Variants in DOCK10 observed in about 807,000 individuals in gnomAD.
The protein encoded by DOCK10 is dedicator of cytokinesis 10.
A neutral mutation model predicts 280.1 loss-of-function variants in DOCK10; 145 were observed. That is an observed-to-expected ratio of 0.52 (90% confidence interval 0.45 to 0.59). The LOEUF (loss-of-function observed/expected upper bound fraction) is 0.59, where lower values mean the gene tolerates loss of function less well. Ranked by LOEUF, DOCK10 falls within the 20% of genes least tolerant of loss-of-function variation. The pLI is 0.00. For missense variants in DOCK10, 2,368 were observed against 2,651.7 expected (o/e 0.89, Z 2.35); for synonymous variants, 915 against 942.2 (o/e 0.97, Z 0.53).
chr2:225,039,891 T>C (rs1690369883), intron 1 of DOCK10, among the ~76,000 whole-genome samples: 1 of 152,218 alleles, frequency 6.6e-6, no homozygotes. Flanking sequence ...AGCAGTAAGA[T>C]ACTTTTTCTC....
intron 18 of DOCK10, among the ~76,000 whole-genome samples, chr2:224,851,252 G>A (rs1247623006): frequency 6.6e-6 from 1 of 152,112 alleles, no homozygotes; most frequent in East Asian, 1.9e-4. Flanking sequence ...AGTGAAGCAA[G>A]GGACGCACAT....
chr2:224,999,303 T>A (rs1306951403), intron 1 of DOCK10, among the ~76,000 whole-genome samples: 1 of 152,056 alleles, frequency 6.6e-6, no homozygotes, highest in Admixed American at 6.6e-5. Context: ...CATTCCTGGC[T>A]TTAAAGATCC....
At chr2:224,978,217 G>A (rs1014645639) in intron 1 of DOCK10, among the ~76,000 whole-genome samples, 3 of 152,092 alleles carry the variant, frequency 2.0e-5, no homozygotes, top group Non-Finnish European at 2.9e-5. Context: ...AGTGGAACAC[G>A]AGGTCAGGAG....
chr2:224,908,184 A>ATGTGTGTG (rs71062966), intron 3 of DOCK10, among the ~76,000 whole-genome samples: 10,813 of 148,422 alleles, frequency 0.073, 415 homozygotes, highest in African/African-American at 0.1. Context: ...GTGTGTGTGT[A>ATGTGTGTG]TGTGTGTGTG....
At position 224,896,386 on chromosome 2, in the gene DOCK10, AAG is replaced by A. The variant is rs751519653; in HGVS notation, c.334-11_334-10del. 6.6e-7 allele frequency: 1 copy of A among 1,519,276 alleles called. No individual in the cohort carries two copies. 94.1% of individuals were successfully genotyped at this position (1,519,276 alleles called of 1,614,324 possible). ...CTATAAAATTTACAAGCCTGAAAGA[AAG>A]AAAAATGACAATTATTAATATAAAA... On this transcript the variant is annotated splice_polypyrimidine_tract_variant and intron_variant, in intron 3 of 55. Coordinates refer to ENST00000258390, the MANE Select transcript of DOCK10 (RefSeq NM_014689.3).
intron 1 of DOCK10, among the ~76,000 whole-genome samples, chr2:224,954,787 T>C (rs1703948365): frequency 6.6e-6 from 1 of 152,248 alleles, no homozygotes; most frequent in African/African-American, 2.4e-5. Flanking sequence ...AGTGTTCTTT[T>C]CCTATTAAAA....
chr2:224,976,206 G>A (rs1018332747), intron 1 of DOCK10, among the ~76,000 whole-genome samples: 1 of 152,034 alleles, frequency 6.6e-6, no homozygotes, highest in African/African-American at 2.4e-5. Context: ...GACACAGGGA[G>A]GGGAACATCA....
chr2:224,789,736 T>C (rs1382206881), intron 47 of DOCK10, among the ~76,000 whole-genome samples: 1 of 151,464 alleles, frequency 6.6e-6, no homozygotes, highest in African/African-American at 2.4e-5. Context: ...TGAGACCCTA[T>C]CTCTCCCACA....
intron 1 of DOCK10, among the ~76,000 whole-genome samples, chr2:225,027,398 T>C (rs1479176831): frequency 6.6e-6 from 1 of 152,208 alleles, no homozygotes; most frequent in African/African-American, 2.4e-5. Context: ...CTCTGAAGCA[T>C]GTTATCACTT....
intron 1 of DOCK10, among the ~76,000 whole-genome samples, chr2:225,040,216 C>G (rs1226781353): frequency 2.0e-5 from 3 of 152,188 alleles, no homozygotes; most frequent in East Asian, 1.9e-4. Context: ...GAGAACTCAT[C>G]ACCTTCCTGT....
intron 3 of DOCK10, among the ~76,000 whole-genome samples, chr2:224,906,721 C>T (rs559254035): frequency 1.9e-4 from 29 of 152,300 alleles, no homozygotes; most frequent in South Asian, 1.0e-3. Flanking sequence ...CCTGGTGATC[C>T]GCCCGCCTTG....
intron 1 of DOCK10, among the ~76,000 whole-genome samples, chr2:225,014,076 A>AAT (rs770548693): frequency 1.4e-4 from 12 of 87,732 alleles, no homozygotes; most frequent in Admixed American, 3.9e-4. Context: ...CAGAAGTCTG[A>AAT]ATATATTGTT....
At chr2:225,021,798 T>G (rs1206661922) in intron 1 of DOCK10, among the ~76,000 whole-genome samples, 1 of 152,238 alleles carries the variant, frequency 6.6e-6, no homozygotes, top group Non-Finnish European at 1.5e-5. Context: ...TCTTCAGTAT[T>G]GTTAAGAAAA....
chr2:224,990,284 CCTTTCTTATTTTTAA>C (rs1216500548), intron 1 of DOCK10, among the ~76,000 whole-genome samples: 1 of 152,178 alleles, frequency 6.6e-6, no homozygotes, highest in Non-Finnish European at 1.5e-5. Context: ...TCATACTAAA[CCTTTCTTATTTTTAA>C]TAAAGTGTAG....
intron 31 of DOCK10, among the ~76,000 whole-genome samples, chr2:224,809,446 C>G (rs895217400): frequency 2.6e-5 from 4 of 152,030 alleles, no homozygotes; most frequent in Non-Finnish European, 2.9e-5. Flanking sequence ...AACCATATAC[C>G]TGACAGGGGG....
chr2:224,913,625 A>G (rs926370390), intron 3 of DOCK10, among the ~76,000 whole-genome samples: 2 of 152,138 alleles, frequency 1.3e-5, no homozygotes, highest in African/African-American at 4.8e-5. Context: ...TTAATTTTTT[A>G]TTTGGTTAAA....
At chr2:224,923,267 T>C (rs1701870120) in intron 2 of DOCK10, among the ~76,000 whole-genome samples, 1 of 152,170 alleles carries the variant, frequency 6.6e-6, no homozygotes, top group South Asian at 2.1e-4. Context: ...GTTGTAGTAT[T>C]TAGGTATATA....
At chr2:224,893,940 A>G (rs1011957028) in intron 4 of DOCK10, among the ~76,000 whole-genome samples, 1 of 152,216 alleles carries the variant, frequency 6.6e-6, no homozygotes, top group African/African-American at 2.4e-5. Flanking sequence ...GGGAATGCTT[A>G]GCTTTGTAAA....
At chr2:224,874,868 C>T (rs755949587) in intron 8 of DOCK10, 117 bp from the exon 9 acceptor site, 2 of 846,252 alleles carry the variant, frequency 2.4e-6, no homozygotes, top group Non-Finnish European at 3.9e-6. Flanking sequence ...GTTGGTGAGC[C>T]TAAGCTTTCA....
Sources: gnomAD v4.1 joint callset for allele counts (sites outside exome capture counted in the v4.1 genomes callset) on GRCh38, gnomAD v4.1.1 for gene constraint, MANE v1.5 for transcripts, NCBI Gene and HGNC (gene_info 2026-07-23, HGNC 2026-07-21) for gene names.